The following DNM3 variants were observed in gnomAD, a reference collection of about 807,000 sequenced individuals.
The protein encoded by DNM3 is dynamin 3.
Under a neutral mutation model 101.6 loss-of-function variants are expected in DNM3, and 47 were observed. The observed-to-expected ratio is 0.46, with a 90% confidence interval of 0.37 to 0.59. DNM3 has a LOEUF of 0.59. Among genes scored for constraint, DNM3 ranks in the 20% least tolerant of loss-of-function variants. The pLI, the probability that DNM3 is intolerant of heterozygous loss-of-function variation, is 0.00. For missense variants in DNM3, 849 were observed against 1,085.7 expected (o/e 0.78, Z 3.06); for synonymous variants, 385 against 387.9 (o/e 0.99, Z 0.09).
chr1:172,067,785 C>G (rs1167588502), intron 10 of DNM3, among the ~76,000 whole-genome samples: 1 of 152,142 alleles, frequency 6.6e-6, no homozygotes, highest in Non-Finnish European at 1.5e-5. Flanking sequence ...AAGTGATTGA[C>G]ATACACAATT....
chr1:172,025,499 C>T (rs2048140672), intron 4 of DNM3, among the ~76,000 whole-genome samples: 2 of 152,168 alleles, frequency 1.3e-5, no homozygotes, highest in African/African-American at 4.8e-5. Flanking sequence ...CACCGTGCCT[C>T]CTGACTGGGA....
At chr1:171,914,402 C>T (rs912918636) in intron 1 of DNM3, among the ~76,000 whole-genome samples, 11 of 152,212 alleles carry the variant, frequency 7.2e-5, no homozygotes, top group African/African-American at 2.2e-4. Context: ...GGTGATCTGC[C>T]GGCCTCGGCC....
chr1:172,092,462 C>T (rs994749385), intron 12 of DNM3, among the ~76,000 whole-genome samples: 5 of 152,116 alleles, frequency 3.3e-5, no homozygotes, highest in Admixed American at 6.5e-5. Context: ...TGATTAATAT[C>T]GATAAAGCAC....
chr1:171,882,772 T>C (rs951598924), intron 1 of DNM3, among the ~76,000 whole-genome samples: 2 of 152,184 alleles, frequency 1.3e-5, no homozygotes, highest in African/African-American at 4.8e-5. Context: ...TATAGACCAA[T>C]CCTTTATTTT....
intron 1 of DNM3, among the ~76,000 whole-genome samples, chr1:171,900,078 C>T (rs146244560): frequency 9.9e-5 from 15 of 152,252 alleles, no homozygotes; most frequent in African/African-American, 3.1e-4. Context: ...AAGTAATTTA[C>T]GAGGGCTTAA....
Position 172,410,920 on chromosome 1 carries a change from T to A in DNM3, c.*3079T>A. ...GTGATAAATGTTGATGTTTTCTGTGTACAAACACATTTTCTATGCATGTGT... is the reference window on the plus strand; with the variant it reads ...GTGATAAATGTTGATGTTTTCTGTGAACAAACACATTTTCTATGCATGTGT... On this transcript the variant is annotated 3_prime_UTR_variant, in exon 21 of 21. Transcript: ENST00000627582. The A allele has an allele frequency of 1.0e-6, 1 of 985,314 alleles. No individual in the cohort carries two copies. Among genetic ancestry groups the A allele is most frequent in the Non-Finnish European group, 1.2e-6 (1 of 829,820 alleles). The allele number at this position is 985,314 out of a possible 1,614,324, so 61.0% of individuals were successfully genotyped here.
At chr1:172,065,041 A>G (rs2125924537) in intron 10 of DNM3, among the ~76,000 whole-genome samples, 1 of 152,298 alleles carries the variant, frequency 6.6e-6, no homozygotes, top group East Asian at 1.9e-4. Flanking sequence ...CGTGCACACA[A>G]ATCAATGCTC....
chr1:172,408,724 A>G lies in DNM3; in HGVS notation c.*883A>G. On this transcript the variant is annotated 3_prime_UTR_variant, in exon 21 of 21. Coordinates refer to ENST00000627582, the MANE Select transcript of DNM3 (RefSeq NM_015569.5). ...CTAACTACACTTTGATACTAACTCC[A>G]GTTTTACTATTATTATTTTGGTTGG... 1.0e-6 allele frequency: 1 copy of G among 984,656 alleles called. No homozygotes were observed. Among genetic ancestry groups the G allele is most frequent in the Non-Finnish European group, 1.2e-6 (1 of 829,268 alleles). 61.0% of individuals were successfully genotyped at this position (984,656 alleles called of 1,614,324 possible). A position where few individuals can be genotyped will look rare whatever the true frequency, so the allele number is the denominator to read the frequency against.
downstream of DNM3, among the ~76,000 whole-genome samples, chr1:172,416,859 C>T (rs180787560): frequency 1.1e-4 from 16 of 152,248 alleles, no homozygotes; most frequent in East Asian, 1.7e-3. Flanking sequence ...GCCCCTGCCC[C>T]GGCCCTGAAG....
chr1:171,963,323 A>G (rs1008142765), intron 2 of DNM3, among the ~76,000 whole-genome samples: 1 of 152,164 alleles, frequency 6.6e-6, no homozygotes, highest in Non-Finnish European at 1.5e-5. Flanking sequence ...CATTCCTGAA[A>G]AGACAAAACT....
At chr1:172,253,230 C>A (rs1186562509) in intron 14 of DNM3, among the ~76,000 whole-genome samples, 1 of 152,104 alleles carries the variant, frequency 6.6e-6, no homozygotes, top group Non-Finnish European at 1.5e-5. Flanking sequence ...AAAGGACCCA[C>A]ATGAGGGGGA....
At chr1:172,015,726 T>G (rs2125724904) in intron 4 of DNM3, among the ~76,000 whole-genome samples, 1 of 152,328 alleles carries the variant, frequency 6.6e-6, no homozygotes, top group Non-Finnish European at 1.5e-5. Flanking sequence ...AAAGACACTT[T>G]TATTTCTTCC....
intron 2 of DNM3, among the ~76,000 whole-genome samples, chr1:171,930,219 C>G (rs1032959407): frequency 2.6e-5 from 4 of 152,198 alleles, no homozygotes; most frequent in Non-Finnish European, 4.4e-5. Flanking sequence ...ACCCCAACAG[C>G]AAAGATGGTG....
At position 172,113,803 on chromosome 1, in the gene DNM3, A is replaced by T. The variant is rs73039346; in HGVS notation, c.1546-17372A>T. Among the ~76,000 whole-genome samples the T allele has an allele frequency of 8.1e-3, 1,238 of 152,220 alleles. 14 individuals are homozygous for T. Among genetic ancestry groups the T allele is most frequent in the African/African-American group, 0.028 (1,150 of 41,520 alleles). On this transcript the variant is annotated intron_variant, in intron 13 of 20. Transcript: ENST00000627582. ...AGTTATCCCTTTTGTGTTGTCAATCACATTTTAATTCCCTGATAGGCCAAT... is the reference window on the plus strand; with the variant it reads ...AGTTATCCCTTTTGTGTTGTCAATCTCATTTTAATTCCCTGATAGGCCAAT...
chr1:171,893,387 A>G (rs187978145), intron 1 of DNM3, among the ~76,000 whole-genome samples: 2,759 of 151,478 alleles, frequency 0.018, 45 homozygotes, highest in Non-Finnish European at 0.028. Context: ...AGTACAATGC[A>G]TTGTCAAAAC....
chr1:171,982,259 A>G (rs924052922), intron 2 of DNM3, among the ~76,000 whole-genome samples: 1 of 152,180 alleles, frequency 6.6e-6, no homozygotes, highest in Non-Finnish European at 1.5e-5. Context: ...CTATTAAAAG[A>G]TCCAGCTATT....
At chr1:171,978,961 G>GGA (rs2044582707) in intron 2 of DNM3, among the ~76,000 whole-genome samples, 1 of 152,048 alleles carries the variant, frequency 6.6e-6, no homozygotes, top group African/African-American at 2.4e-5. Flanking sequence ...TGAATTTAGA[G>GGA]GATATATATA....
At position 171,908,020 on chromosome 1, in the gene DNM3, G is replaced by A. The variant is rs529896699; in HGVS notation, c.162-13728G>A. Among the ~76,000 whole-genome samples, 36 of 152,200 alleles carry A rather than the reference G, an allele frequency of 2.4e-4. No individual in the cohort carries two copies. The South Asian group carries it at 3.5e-3, about 15-fold the overall frequency. On this transcript the variant is annotated intron_variant, in intron 1 of 20. Transcript: ENST00000627582. ...GAAATACATTTTATTGTGACCTCGT[G>A]TATCTATATAAAATGGAAATAAAAG... is the stretch of plus-strand genomic sequence containing the variant.
rs375026596 is a variant in DNM3, at chr1:172,167,762, T to A, written c.1659+36474T>A. On this transcript the variant is annotated intron_variant, in intron 14 of 20. Transcript: ENST00000627582. ...TATTTACTTGGGACAAACAGGTACATAATTTGCCTTCATAGAATTATCAAA... is the reference window on the plus strand; with the variant it reads ...TATTTACTTGGGACAAACAGGTACAAAATTTGCCTTCATAGAATTATCAAA... 1.4e-4 allele frequency among the ~76,000 whole-genome samples: 21 copies of A among 152,194 alleles called. 1 individual carries two copies. The South Asian group carries it at 4.1e-3, about 30-fold the overall frequency.
Sources: gnomAD v4.1 joint callset for allele counts (sites outside exome capture counted in the v4.1 genomes callset) on GRCh38, gnomAD v4.1.1 for gene constraint, MANE v1.5 for transcripts, NCBI Gene and HGNC (gene_info 2026-07-23, HGNC 2026-07-21) for gene names.